Variants in FKBP1B observed in about 807,000 individuals in gnomAD.
FKBP1B encodes the protein FKBP prolyl isomerase 1B, also known as peptidyl-prolyl cis-trans isomerase FKBP1B.
FKBP1B carries 4 observed loss-of-function variants against 13.5 expected under a neutral mutation model. That is an observed-to-expected ratio of 0.30 (90% CI 0.15 to 0.68). The LOEUF is 0.68. Ranked by LOEUF, FKBP1B falls within the 30% of genes least tolerant of loss-of-function variation. The pLI, the probability that FKBP1B is intolerant of heterozygous loss-of-function variation, is 0.76. For synonymous variants in FKBP1B, 54 were observed against 53.6 expected, an observed-to-expected ratio of 1.01 and a Z score of -0.03; for missense variants, 93 against 136.2, an observed-to-expected ratio of 0.68 and a Z score of 1.58.
chr2:24,037,803 T>C, the FKBP1B span: 2 of 1,614,254 alleles, frequency 1.2e-6, no homozygotes, highest in East Asian at 2.2e-5. Context: ...GGTTCCTAGA[T>C]AAAATTTCCA....
At chr2:24,057,669 G>A (rs920612623) in intron 2 of FKBP1B, among the ~76,000 whole-genome samples, 15 of 151,948 alleles carry the variant, frequency 9.9e-5, no homozygotes, top group Admixed American at 2.6e-4. Flanking sequence ...CACCGGGCCC[G>A]GCCACCTGGC....
chr2:24,039,389 G>A, the FKBP1B span: 1 of 1,614,128 alleles, frequency 6.2e-7, no homozygotes, highest in Non-Finnish European at 8.5e-7. Flanking sequence ...AAATCAGTTA[G>A]GACAACTTGA....
chr2:24,053,843 A>G, intron 1 of FKBP1B, 59 bp from the exon 2 acceptor site: 1 of 1,506,958 alleles, frequency 6.6e-7, no homozygotes, highest in Non-Finnish European at 9.2e-7. Context: ...ATCATACTTA[A>G]TGTCCCAGGT....
At chr2:24,052,795 T>C (rs1032324378) in intron 1 of FKBP1B, among the ~76,000 whole-genome samples, 12 of 152,120 alleles carry the variant, frequency 7.9e-5, no homozygotes, top group Non-Finnish European at 1.6e-4. Flanking sequence ...GTTAAGACCC[T>C]GTCTCTACAA....
chr2:24,063,043 A>G (rs1471911897), intron 3 of FKBP1B, 21 bp from the exon 4 acceptor site: 2 of 1,614,020 alleles, frequency 1.2e-6, no homozygotes, highest in African/African-American at 1.3e-5. Context: ...TCCTCTCCCC[A>G]TCTGCCCCCA....
chr2:24,052,403 C>G (rs370513369), intron 1 of FKBP1B, among the ~76,000 whole-genome samples: 1 of 152,174 alleles, frequency 6.6e-6, no homozygotes, highest in African/African-American at 2.4e-5. Flanking sequence ...TCCCTTCTTT[C>G]CAGCACCTAG....
At chr2:24,044,902 A>G (rs1663565330), upstream of FKBP1B, among the ~76,000 whole-genome samples, 2 of 152,044 alleles carry the variant, frequency 1.3e-5, no homozygotes, top group South Asian at 4.2e-4. Context: ...CCACATCTAC[A>G]GTATATAAAA....
At chr2:24,041,308 C>T in the FKBP1B span, among the ~76,000 whole-genome samples, 17 of 150,616 alleles carry the variant, frequency 1.1e-4, no homozygotes, top group African/African-American at 3.9e-4. Context: ...CATTGCACTT[C>T]AGCCTGGGCG....
chr2:24,039,294 T>A, the FKBP1B span: 1 of 1,614,066 alleles, frequency 6.2e-7, no homozygotes, highest in Admixed American at 1.7e-5. Flanking sequence ...CTGCAACAGG[T>A]GGGGCCCAGG....
intron 2 of FKBP1B, chr2:24,054,278 A>G (rs1226653067): frequency 2.0e-6 from 1 of 506,742 alleles, no homozygotes; most frequent in Non-Finnish European, 3.7e-6. Context: ...ATATTTGGAA[A>G]TCCCTCCTAG....
the FKBP1B span, chr2:24,038,305 T>TG: frequency 6.2e-7 from 1 of 1,614,222 alleles, no homozygotes; most frequent in Non-Finnish European, 8.5e-7. Flanking sequence ...TAGTAATAGT[T>TG]GGTCTGTCAA....
chr2:24,039,393 A>C, the FKBP1B span: 9 of 1,614,272 alleles, frequency 5.6e-6, no homozygotes, highest in Non-Finnish European at 7.6e-6. Flanking sequence ...CAGTTAGGAC[A>C]ACTTGATTCC....
the FKBP1B span, among the ~76,000 whole-genome samples, chr2:24,042,298 G>A: frequency 6.6e-6 from 1 of 152,114 alleles, no homozygotes; most frequent in Non-Finnish European, 1.5e-5. Context: ...AGCACTTTGG[G>A]AGGCCGAGGC....
At chr2:24,061,219 C>A (rs1664378515) in intron 3 of FKBP1B, among the ~76,000 whole-genome samples, 1 of 152,152 alleles carries the variant, frequency 6.6e-6, no homozygotes, top group South Asian at 2.1e-4. Context: ...AATCCCAGCA[C>A]TTTGGGAGGC....
At chr2:24,039,543 T>G in the FKBP1B span, 2 of 1,578,530 alleles carry the variant, frequency 1.3e-6, no homozygotes, top group Non-Finnish European at 1.7e-6. Flanking sequence ...AGTTACACCA[T>G]GAGAAATCTA....
chr2:24,048,491 G>GGA (rs1211133958), upstream of FKBP1B, among the ~76,000 whole-genome samples: 10 of 144,032 alleles, frequency 6.9e-5, no homozygotes, highest in Non-Finnish European at 1.2e-4. Context: ...AAAAAAAAAA[G>GGA]GAGAGAGAGA....
chr2:24,046,449 G>A (rs1315362305), upstream of FKBP1B, among the ~76,000 whole-genome samples: 2 of 152,186 alleles, frequency 1.3e-5, no homozygotes, highest in Non-Finnish European at 2.9e-5. Context: ...AACCCTGGGT[G>A]TTTTAGGAGG....
At chr2:24,039,437 C>T in the FKBP1B span, 1 of 1,614,258 alleles carries the variant, frequency 6.2e-7, no homozygotes, top group Non-Finnish European at 8.5e-7. Context: ...ATCGGATGCA[C>T]TGCTTGATGC....
chr2:24,052,689 G>A (rs1016955650), intron 1 of FKBP1B, among the ~76,000 whole-genome samples: 3 of 152,086 alleles, frequency 2.0e-5, no homozygotes, highest in Admixed American at 6.6e-5. Flanking sequence ...ACTCCAGGGC[G>A]GGTTTGGTGG....
Sources: allele counts gnomAD v4.1 joint callset (sites outside exome capture counted in the v4.1 genomes callset), GRCh38; gene constraint gnomAD v4.1.1; transcripts MANE v1.5; gene names NCBI Gene and HGNC (gene_info 2026-07-23, HGNC 2026-07-21).